Variants in MDGA2 observed in about 807,000 individuals in gnomAD.
The protein encoded by MDGA2 is MAM domain-containing glycosylphosphatidylinositol anchor protein 2.
Under a neutral mutation model 117.8 loss-of-function variants are expected in MDGA2, and 40 were observed. That is an observed-to-expected ratio of 0.34 (90% confidence interval 0.26 to 0.44). The LOEUF (loss-of-function observed/expected upper bound fraction) is 0.44, where lower values mean the gene tolerates loss of function less well. Among genes scored for constraint, MDGA2 ranks in the 20% least tolerant of loss-of-function variants. The probability of loss-of-function intolerance (pLI) is 1.00; values close to 1 mark genes in which losing one functional copy is unlikely to be tolerated. For synonymous variants in MDGA2, 452 were observed against 439.0 expected, an observed-to-expected ratio of 1.03 and a Z score of -0.37; for missense variants, 1,123 against 1,250.6, an observed-to-expected ratio of 0.90 and a Z score of 1.54.
chr14:47,128,949 A>C (rs1169825375), intron 5 of MDGA2, among the ~76,000 whole-genome samples: 1 of 152,136 alleles, frequency 6.6e-6, no homozygotes, highest in African/African-American at 2.4e-5. Context: ...TCGGCCTCCC[A>C]AAGTGCTGGG....
At chr14:47,434,182 T>A (rs1189960276) in intron 1 of MDGA2, among the ~76,000 whole-genome samples, 1 of 152,102 alleles carries the variant, frequency 6.6e-6, no homozygotes, top group Non-Finnish European at 1.5e-5. Flanking sequence ...GTGCCCTTTT[T>A]TATTCTTGCC....
At chr14:47,339,086 C>G (rs1024500131) in intron 1 of MDGA2, among the ~76,000 whole-genome samples, 1 of 151,910 alleles carries the variant, frequency 6.6e-6, no homozygotes, top group Admixed American at 6.6e-5. Context: ...AAATTTGTAT[C>G]TTTTACAGGG....
At chr14:47,239,489 T>G (rs147541762) in intron 2 of MDGA2, among the ~76,000 whole-genome samples, 5 of 151,988 alleles carry the variant, frequency 3.3e-5, no homozygotes, top group African/African-American at 1.2e-4. Flanking sequence ...TATGCTTTGA[T>G]CAATTTGATG....
At chr14:47,177,060 A>G (rs1409632202) in intron 3 of MDGA2, among the ~76,000 whole-genome samples, 3 of 152,170 alleles carry the variant, frequency 2.0e-5, no homozygotes, top group Non-Finnish European at 2.9e-5. Context: ...AATGCTCACC[A>G]TCACTGGCCA....
intron 3 of MDGA2, among the ~76,000 whole-genome samples, chr14:47,164,572 G>C (rs939006434): frequency 6.6e-5 from 10 of 152,172 alleles, no homozygotes; most frequent in South Asian, 4.1e-4. Flanking sequence ...ACACCAGTTA[G>C]AATGGCGATC....
At chr14:46,957,289 G>T in intron 9 of MDGA2, 85 bp downstream of exon 9, 1 of 1,325,398 alleles carries the variant, frequency 7.5e-7, no homozygotes, top group Non-Finnish European at 1.0e-6. Context: ...ATTTACAAAT[G>T]TTTTCATTCT....
intron 1 of MDGA2, among the ~76,000 whole-genome samples, chr14:47,395,933 T>G (rs1420743931): frequency 6.6e-6 from 1 of 152,176 alleles, no homozygotes; most frequent in Non-Finnish European, 1.5e-5. Context: ...CAGGTTCTCA[T>G]ATTTACTTTC....
intron 1 of MDGA2, among the ~76,000 whole-genome samples, chr14:47,361,789 C>A (rs779986115): frequency 6.6e-6 from 1 of 151,932 alleles, no homozygotes; most frequent in African/African-American, 2.4e-5. Flanking sequence ...ATCTGCATAC[C>A]TGGGCAGTTT....
intron 1 of MDGA2, among the ~76,000 whole-genome samples, chr14:47,648,698 G>A (rs558482269): frequency 1.8e-4 from 27 of 148,752 alleles, no homozygotes; most frequent in African/African-American, 5.6e-4. Flanking sequence ...GGTAGCATAA[G>A]ACTGGATAAA....
chr14:46,993,653 G>A (rs942018905), intron 8 of MDGA2, among the ~76,000 whole-genome samples: 2 of 151,908 alleles, frequency 1.3e-5, no homozygotes, highest in African/African-American at 4.8e-5. Flanking sequence ...GTAGAGACGG[G>A]TTTCACCATG....
chr14:47,514,335 G>A (rs1238690526), intron 1 of MDGA2, among the ~76,000 whole-genome samples: 2 of 152,018 alleles, frequency 1.3e-5, no homozygotes, highest in Admixed American at 6.6e-5. Flanking sequence ...TCATTTGTGA[G>A]CTCCTAGTTG....
At chr14:47,397,311 G>C (rs4900750) in intron 1 of MDGA2, among the ~76,000 whole-genome samples, 149,352 of 152,186 alleles carry the variant, frequency 0.98, 73,350 homozygotes, top group East Asian at 1. Context: ...AGGGTAACAA[G>C]ACACACTGGG....
Position 47,427,603 on chromosome 14 carries a change from T to A in MDGA2, c.281-126053A>T, listed in dbSNP as rs1317269476. Reference sequence around the variant, plus strand: ...GCAACATTCTCAGTAGAAGCAAGAATTAATTGCAACTGAGTAATTGTCACC... The same window carrying A: ...GCAACATTCTCAGTAGAAGCAAGAAATAATTGCAACTGAGTAATTGTCACC... On this transcript the variant is annotated intron_variant, in intron 1 of 16. Transcript: ENST00000399232. 2.6e-5 allele frequency among the ~76,000 whole-genome samples: 4 copies of A among 152,184 alleles called. No homozygotes were observed. In the East Asian group the frequency reaches 7.7e-4, roughly 29 times the overall value.
At chr14:47,311,795 G>A (rs1484939894) in intron 1 of MDGA2, among the ~76,000 whole-genome samples, 1 of 152,018 alleles carries the variant, frequency 6.6e-6, no homozygotes, top group Non-Finnish European at 1.5e-5. Flanking sequence ...AATTGCCAAA[G>A]CTTAGTTTTG....
At chr14:47,087,442 A>T (rs1301524378) in intron 6 of MDGA2, among the ~76,000 whole-genome samples, 7 of 145,832 alleles carry the variant, frequency 4.8e-5, no homozygotes, top group Non-Finnish European at 7.5e-5. Flanking sequence ...GCTTAAACAC[A>T]AGAGGCAGAC....
intron 11 of MDGA2, among the ~76,000 whole-genome samples, chr14:46,878,609 C>G (rs1431706201): frequency 6.6e-6 from 1 of 151,836 alleles, no homozygotes; most frequent in Non-Finnish European, 1.5e-5. Context: ...AAGACAATTC[C>G]CATTACTGTA....
At chr14:46,943,162 T>C (rs1423414106) in intron 9 of MDGA2, among the ~76,000 whole-genome samples, 2 of 152,200 alleles carry the variant, frequency 1.3e-5, no homozygotes, top group Middle Eastern at 6.8e-3. Flanking sequence ...TCGTAATTAC[T>C]CTATCTTGAA....
chr14:47,639,188 T>C (rs1050053801), intron 1 of MDGA2, among the ~76,000 whole-genome samples: 1 of 152,198 alleles, frequency 6.6e-6, no homozygotes, highest in Non-Finnish European at 1.5e-5. Flanking sequence ...TATAAAGGTG[T>C]GTGTATAGAT....
In MDGA2 at chr14:46,901,171, C is replaced by T. The variant is rs547244076; in HGVS notation, c.2238+18841G>A. Among the ~76,000 whole-genome samples, 645 of 109,808 alleles carry T rather than the reference C, an allele frequency of 5.9e-3. 3 individuals are homozygous for T. Among genetic ancestry groups the T allele is most frequent in the Middle Eastern group, 9.8e-3 (1 of 102 alleles). 72.0% of individuals were successfully genotyped at this position (109,808 alleles called of 152,430 possible). ...AGAATGGAAGGGGAACATCACACACCGGGGACTGTTGTGGGGTGGGGGGAG... is the reference window on the plus strand; with the variant it reads ...AGAATGGAAGGGGAACATCACACACTGGGGACTGTTGTGGGGTGGGGGGAG... On this transcript the variant is annotated intron_variant, in intron 10 of 16. Transcript: ENST00000399232.
Sources: gnomAD v4.1 joint callset for allele counts (sites outside exome capture counted in the v4.1 genomes callset) on GRCh38, gnomAD v4.1.1 for gene constraint, MANE v1.5 for transcripts, NCBI Gene and HGNC (gene_info 2026-07-23, HGNC 2026-07-21) for gene names.